The following XRCC4 variants were observed in gnomAD, a reference collection of about 807,000 sequenced individuals.
XRCC4 encodes X-ray repair cross complementing 4.
In XRCC4, 28 loss-of-function variants were observed where a neutral mutation model predicts 39.1. The ratio of observed to expected loss-of-function variants is 0.72; its 90% CI spans 0.53 to 0.98. The LOEUF (loss-of-function observed/expected upper bound fraction) is 0.98, where lower values mean the gene tolerates loss of function less well. XRCC4 is among the 50% of genes least tolerant of loss of function. The pLI is 0.00. For missense variants in XRCC4, 350 were observed against 376.4 expected, an observed-to-expected ratio of 0.93 and a Z score of 0.58; for synonymous variants, 123 against 126.4, an observed-to-expected ratio of 0.97 and a Z score of 0.18.
intron 6 of XRCC4, among the ~76,000 whole-genome samples, chr5:83,234,946 T>G (rs902320759): frequency 6.6e-6 from 1 of 151,562 alleles, no homozygotes; most frequent in South Asian, 2.1e-4. Flanking sequence ...ATACATATAA[T>G]TTAATATGGT....
chr5:83,352,900 T>C (rs904503098), intron 7 of XRCC4, among the ~76,000 whole-genome samples: 5 of 152,176 alleles, frequency 3.3e-5, no homozygotes, highest in African/African-American at 1.2e-4. Context: ...AGTATTGTTA[T>C]AGGTTCTTGA....
At chr5:83,237,770 G>A (rs964981072) in intron 6 of XRCC4, among the ~76,000 whole-genome samples, 10 of 151,948 alleles carry the variant, frequency 6.6e-5, no homozygotes, top group South Asian at 6.2e-4. Context: ...TTGAAATCAT[G>A]GATATCCTTA....
At chr5:83,165,498 T>C (rs1159760785) in intron 3 of XRCC4, among the ~76,000 whole-genome samples, 1 of 152,168 alleles carries the variant, frequency 6.6e-6, no homozygotes, top group African/African-American at 2.4e-5. Flanking sequence ...TTATTTTAAG[T>C]TCAGTGTTAC....
At chr5:83,098,344 A>G (rs1745773159) in intron 1 of XRCC4, among the ~76,000 whole-genome samples, 1 of 152,126 alleles carries the variant, frequency 6.6e-6, no homozygotes, top group Non-Finnish European at 1.5e-5. Context: ...ACTGTATTTT[A>G]CTACCTTATG....
chr5:83,090,305 A>C (rs1372400823), intron 1 of XRCC4, among the ~76,000 whole-genome samples: 2 of 150,642 alleles, frequency 1.3e-5, no homozygotes, highest in African/African-American at 4.9e-5. Context: ...ATAGTGAATA[A>C]ATCTCACGAG....
intron 7 of XRCC4, among the ~76,000 whole-genome samples, chr5:83,291,985 G>GTA (rs1754938233): frequency 6.7e-6 from 1 of 149,132 alleles, no homozygotes; most frequent in Non-Finnish European, 1.5e-5. Context: ...GTGTGTGTGT[G>GTA]TATTTTATGG....
intron 7 of XRCC4, among the ~76,000 whole-genome samples, chr5:83,302,265 A>C (rs536185966): frequency 6.6e-6 from 1 of 152,184 alleles, no homozygotes; most frequent in East Asian, 1.9e-4. Flanking sequence ...ACCAAAAAAA[A>C]AAAAAAATAG....
intron 1 of XRCC4, among the ~76,000 whole-genome samples, chr5:83,093,786 A>G (rs948322708): frequency 1.3e-5 from 2 of 152,190 alleles, no homozygotes; most frequent in African/African-American, 2.4e-5. Flanking sequence ...CGGTATGCCA[A>G]AATTTATGGG....
rs1039902099 is a variant in XRCC4 at position 83,304,530 on chromosome 5, CAT to C, written c.893+45854_893+45855del. ...ATTGGTTACTACAAATGTCTTTTGA[CAT>C]GTGGGTATTTTATTGATGTATAGAA... On this transcript the variant is annotated intron_variant, in intron 7 of 7. Transcript: ENST00000396027. Among the ~76,000 whole-genome samples, 15 of 152,112 alleles carry C rather than the reference CAT, an allele frequency of 9.9e-5. No individual in the cohort carries two copies. The East Asian group carries it at 1.9e-3, about 20-fold the overall frequency.
At chr5:83,227,621 A>G (rs1040271406) in intron 6 of XRCC4, among the ~76,000 whole-genome samples, 3 of 152,244 alleles carry the variant, frequency 2.0e-5, no homozygotes, top group South Asian at 4.1e-4. Flanking sequence ...GTATTATTTC[A>G]GCTGCAAGTA....
At chr5:83,190,202 C>T (rs1750632652) in intron 3 of XRCC4, among the ~76,000 whole-genome samples, 1 of 152,092 alleles carries the variant, frequency 6.6e-6, no homozygotes, top group Non-Finnish European at 1.5e-5. Context: ...AGGAACATAG[C>T]TAGGTCAAGG....
At chr5:83,135,190 C>T (rs563746320) in intron 3 of XRCC4, among the ~76,000 whole-genome samples, 1 of 152,260 alleles carries the variant, frequency 6.6e-6, no homozygotes, top group Admixed American at 6.5e-5. Flanking sequence ...GGTGATGCCC[C>T]ACCCTGCTTC....
chr5:83,184,928 C>T (rs539188817), intron 3 of XRCC4, among the ~76,000 whole-genome samples: 2 of 152,088 alleles, frequency 1.3e-5, no homozygotes, highest in South Asian at 4.2e-4. Context: ...AGATATTGTT[C>T]ACAAGTCTCC....
At chr5:83,138,642 C>A (rs1055891822) in intron 3 of XRCC4, among the ~76,000 whole-genome samples, 1 of 152,020 alleles carries the variant, frequency 6.6e-6, no homozygotes, top group Non-Finnish European at 1.5e-5. Flanking sequence ...TATTATGTTA[C>A]TCTGCCAGAA....
intron 3 of XRCC4, among the ~76,000 whole-genome samples, chr5:83,116,881 C>T (rs186269962): frequency 2.0e-5 from 3 of 152,066 alleles, no homozygotes; most frequent in African/African-American, 4.8e-5. Flanking sequence ...CTCGGCCTCC[C>T]AAAGTGCTGG....
At chr5:83,216,580 GAAACGTT>G (rs1312484603) in intron 6 of XRCC4, among the ~76,000 whole-genome samples, 1 of 152,140 alleles carries the variant, frequency 6.6e-6, no homozygotes, top group African/African-American at 2.4e-5. Flanking sequence ...ATCTTCTGGT[GAAACGTT>G]AAATAAAATG....
intron 7 of XRCC4, among the ~76,000 whole-genome samples, chr5:83,315,161 G>A (rs984647448): frequency 6.6e-6 from 1 of 152,120 alleles, no homozygotes; most frequent in African/African-American, 2.4e-5. Context: ...GAATGGTCTG[G>A]ATAGAAAAAT....
intron 1 of XRCC4, among the ~76,000 whole-genome samples, chr5:83,090,063 T>G (rs1745352652): frequency 6.6e-6 from 1 of 152,112 alleles, no homozygotes; most frequent in South Asian, 2.1e-4. Context: ...AGAGTTTTGT[T>G]TTTTTGAGAC....
intron 7 of XRCC4, among the ~76,000 whole-genome samples, chr5:83,268,762 C>T (rs1473825004): frequency 6.6e-6 from 1 of 152,032 alleles, no homozygotes; most frequent in Non-Finnish European, 1.5e-5. Context: ...GGATGTAGTG[C>T]TGATTTTAAA....
Sources: allele counts gnomAD v4.1 joint callset (sites outside exome capture counted in the v4.1 genomes callset), GRCh38; gene constraint gnomAD v4.1.1; transcripts MANE v1.5; gene names NCBI Gene and HGNC (gene_info 2026-07-23, HGNC 2026-07-21).